The following CIZ1 variants were observed in gnomAD, a reference collection of about 807,000 sequenced individuals.
The protein encoded by CIZ1 is cip1-interacting zinc finger protein.
In CIZ1, 58 loss-of-function variants were observed where a neutral mutation model predicts 118.6. That is an observed-to-expected ratio of 0.49 (90% CI 0.40 to 0.61). The LOEUF (loss-of-function observed/expected upper bound fraction) is 0.61, where lower values mean the gene tolerates loss of function less well. CIZ1 is among the 20% of genes least tolerant of loss of function. The probability of loss-of-function intolerance (pLI) is 0.00; values close to 1 mark genes in which losing one functional copy is unlikely to be tolerated. For missense variants in CIZ1, 921 were observed against 1,115.9 expected (o/e 0.83, Z 2.49); for synonymous variants, 448 against 443.4 (o/e 1.01, Z -0.13).
At position 128,203,931 on chromosome 9, in the gene CIZ1, GC is replaced by G. The variant is rs1247290323; in HGVS notation, c.-6+254del. ...TGCCAGAAGCCCCGGGCAAAGAGCT[GC>G]CCCCCGCCCCCAACATGGGCATGGA... On this transcript the variant is annotated intron_variant, in intron 1 of 17. Coordinates refer to the CIZ1 transcript ENST00000372948. The surrounding 1 kb of genome is among the most constrained non-coding windows in gnomAD (Gnocchi z 5.3). 3.6e-5 allele frequency: 7 copies of G among 193,718 alleles called. No individual in the cohort carries two copies. The highest frequency in any genetic ancestry group is 2.6e-4 in the East Asian group (2 of 7,836). 12.0% of individuals were successfully genotyped at this position (193,718 alleles called of 1,614,324 possible).
chr9:128,166,654 G>T lies in CIZ1; in HGVS notation c.2487+105C>A. The T allele has an allele frequency of 7.0e-7, 1 of 1,427,962 alleles. No homozygotes were observed. Among genetic ancestry groups the T allele is most frequent in the Non-Finnish European group, 9.8e-7 (1 of 1,021,576 alleles). The allele number at this position is 1,427,962 out of a possible 1,614,324, so 88.5% of individuals were successfully genotyped here. ...TGTTGGTGCAGGGGTGGTGCCTGGG[G>T]ATTGAGGCCCTGCACAAGAGGGAGT... On this transcript the variant is annotated intron_variant, in intron 16 of 16. Coordinates refer to ENST00000372938, the MANE Select transcript of CIZ1 (RefSeq NM_001131016.2). The surrounding 1 kb of genome is among the most constrained non-coding windows in gnomAD (Gnocchi z 4.4).
intron 11 of CIZ1, among the ~76,000 whole-genome samples, chr9:128,171,470 G>A (rs1409864979): frequency 5.4e-5 from 8 of 149,458 alleles, no homozygotes; most frequent in African/African-American, 2.0e-4. Context: ...GCTCACGCCT[G>A]TAATCCCAGC....
chr9:128,189,281 A>G (rs749540329), intron 3 of CIZ1, among the ~76,000 whole-genome samples: 2 of 152,174 alleles, frequency 1.3e-5, no homozygotes, highest in East Asian at 3.8e-4. Context: ...AGGAAGATGT[A>G]TATGTATATG....
At chr9:128,173,433 C>T (rs981357343) in intron 11 of CIZ1, among the ~76,000 whole-genome samples, 4 of 151,906 alleles carry the variant, frequency 2.6e-5, no homozygotes, top group African/African-American at 9.7e-5. Context: ...GCGTGAGCTA[C>T]CGCGCCCGGC....
intron 14 of CIZ1, chr9:128,167,379 G>GC: frequency 1.9e-6 from 1 of 536,236 alleles, no homozygotes; most frequent in Non-Finnish European, 3.3e-6. Flanking sequence ...TGTTCAACTA[G>GC]CCCCCTCCTC....
At chr9:128,183,417 T>G (rs974452332) in intron 5 of CIZ1, among the ~76,000 whole-genome samples, 1 of 152,162 alleles carries the variant, frequency 6.6e-6, no homozygotes, top group African/African-American at 2.4e-5. Context: ...GACAGGCCCG[T>G]TGGAAGGCTG....
At chr9:128,181,903 C>T (rs1831700337) in intron 5 of CIZ1, among the ~76,000 whole-genome samples, 1 of 152,210 alleles carries the variant, frequency 6.6e-6, no homozygotes, top group Non-Finnish European at 1.5e-5. Flanking sequence ...TGATGCTGTG[C>T]TTCAGTGGTC....
chr9:128,201,367 T>C (rs77603951), intron 1 of CIZ1, among the ~76,000 whole-genome samples: 42,094 of 151,972 alleles, frequency 0.28, 6,245 homozygotes, highest in Non-Finnish European at 0.33. Context: ...GGAGAATCGC[T>C]TGAACCCAGG....
chr9:128,183,696 G>A (rs954424361), intron 5 of CIZ1, among the ~76,000 whole-genome samples: 1 of 152,226 alleles, frequency 6.6e-6, no homozygotes, highest in African/African-American at 2.4e-5. Flanking sequence ...CGGCAACAGC[G>A]TATAGCTTAG....
Position 128,180,802 on chromosome 9 carries a change from GAGA to G in CIZ1, c.598_600del (p.Ser200del). ...GACTTGTCTTCCACAGGCATTGTCT[GAGA>G]AGAAGAATCCTGCTTCCTTTCAGAA... is the stretch of plus-strand genomic sequence containing the variant. On this transcript the variant is annotated inframe_deletion, in exon 6 of 17. Coordinates refer to ENST00000372938, the MANE Select transcript of CIZ1 (RefSeq NM_001131016.2). 1 of 1,610,134 alleles carries G rather than the reference GAGA, an allele frequency of 6.2e-7. No homozygotes were observed.
rs777974642 is a variant in CIZ1 at position 128,178,748 on chromosome 9, C to T, written c.1459G>A (p.Gly487Arg). ...EQTPVVVHVC[G>R]LEMPPDAVEA... Reference sequence around the variant, plus strand: ...ACTGCATCAGGTGGCATCTCCAGCCCGCAGACATGAACCACAACTGGTGTT... The same window carrying T: ...ACTGCATCAGGTGGCATCTCCAGCCTGCAGACATGAACCACAACTGGTGTT... The change falls in exon 8 of 17, where the codon GGG (glycine) becomes AGG (arginine). Residue 487 changes from glycine to arginine, a missense_variant. By Grantham distance (125) the Gly-to-Arg change is moderately radical (BLOSUM62 -2). Transcript: ENST00000372938. 1.8e-5 allele frequency: 29 copies of T among 1,614,054 alleles called. No individual in the cohort carries two copies. Among genetic ancestry groups the T allele is most frequent in the South Asian group, 8.8e-5 (8 of 91,090 alleles).
chr9:128,179,559 G>C, intron 7 of CIZ1, 144 bp from the exon 8 acceptor site: 1 of 697,382 alleles, frequency 1.4e-6, no homozygotes, highest in Non-Finnish European at 2.3e-6. Flanking sequence ...GATCATTTGA[G>C]GTCAGGAGTT....
rs775224127 is a variant in CIZ1 at position 128,180,607 on chromosome 9, G to A, written c.683-84C>T. 9.0e-5 allele frequency: 124 copies of A among 1,384,624 alleles called. 1 individual carries two copies. The highest frequency in any genetic ancestry group is 5.6e-4 in the Middle Eastern group (3 of 5,402). 85.8% of individuals were successfully genotyped at this position (1,384,624 alleles called of 1,614,324 possible). A position where few individuals can be genotyped will look rare whatever the true frequency, so the allele number is the denominator to read the frequency against. On this transcript the variant is annotated intron_variant, in intron 6 of 16. Coordinates refer to ENST00000372938, the MANE Select transcript of CIZ1 (RefSeq NM_001131016.2). The stretch of plus-strand genomic sequence containing the variant: ...CCAAGAGATGGGGCCTGGGCTCCCC[G>A]CCTTCCCACCAAGAACCCCTGCCTC...
chr9:128,172,934 C>T (rs943406756), intron 11 of CIZ1, among the ~76,000 whole-genome samples: 5 of 152,124 alleles, frequency 3.3e-5, no homozygotes, highest in African/African-American at 1.2e-4. Flanking sequence ...GATTTAGGGA[C>T]ATTTACTGTC....
In CIZ1 at chr9:128,185,579, G is replaced by A. The variant is rs141376660; in HGVS notation, c.556C>T (p.Arg186Trp). The change falls in exon 5 of 17, where the codon CGG becomes TGG. Residue 186 changes from arginine to tryptophan, a missense_variant. By Grantham distance (101) the Arg-to-Trp change is moderately radical. Transcript: ENST00000372938. The part of the protein sequence containing the change: ...LSGRNPQKQA[R>W]TSSSTTPNRK... The stretch of plus-strand genomic sequence containing the variant: ...TTGGGGGTGGTAGAGGAGGAGGTCC[G>A]GGCCTGTTTCTGGGGGTTCCGTCCT... The A allele has an allele frequency of 1.2e-5, 19 of 1,524,632 alleles. No individual in the cohort carries two copies. Among genetic ancestry groups the A allele is most frequent in the African/African-American group, 6.9e-5 (5 of 72,058 alleles). The allele number at this position is 1,524,632 out of a possible 1,614,324, so 94.4% of individuals were successfully genotyped here. A position where few individuals can be genotyped will look rare whatever the true frequency, so the allele number is the denominator to read the frequency against.
At chr9:128,182,646 T>A (rs1246886084) in intron 5 of CIZ1, among the ~76,000 whole-genome samples, 1 of 152,154 alleles carries the variant, frequency 6.6e-6, no homozygotes, top group African/African-American at 2.4e-5. Context: ...CTTATCTACC[T>A]TGGCCTTCTC....
chr9:128,171,668 C>A (rs1830137775), intron 11 of CIZ1, among the ~76,000 whole-genome samples: 1 of 151,198 alleles, frequency 6.6e-6, no homozygotes, highest in East Asian at 2.0e-4. Flanking sequence ...ACCCAGGAGG[C>A]GGAGGTTGCA....
chr9:128,169,258 C>A, intron 13 of CIZ1, 57 bp from the exon 14 acceptor site: 1 of 1,453,802 alleles, frequency 6.9e-7, no homozygotes, highest in Non-Finnish European at 9.6e-7. Flanking sequence ...GGGGGCCATG[C>A]CCTACCCACC....
At chr9:128,192,360 A>G (rs1833229052), upstream of CIZ1, among the ~76,000 whole-genome samples, 1 of 83,664 alleles carries the variant, frequency 1.2e-5, no homozygotes, top group Non-Finnish European at 2.4e-5. Context: ...ACAGAGCAAG[A>G]GCTGTCAAAA....
Sources: gnomAD v4.1 joint callset for allele counts (sites outside exome capture counted in the v4.1 genomes callset) on GRCh38, gnomAD v4.1.1 for gene constraint, Gnocchi (gnomAD v3.1) non-coding constraint, MANE v1.5 for transcripts, NCBI Gene and HGNC (gene_info 2026-07-23, HGNC 2026-07-21) for gene names.